The following TBC1D5 variants were observed in gnomAD, a reference collection of about 807,000 sequenced individuals.
The protein encoded by TBC1D5 is TBC1 domain family, member 5.
In TBC1D5, 75 loss-of-function variants were observed where a neutral mutation model predicts 100.3. The observed-to-expected ratio is 0.75, with a 90% CI of 0.62 to 0.91. The LOEUF (loss-of-function observed/expected upper bound fraction) is 0.91. Among genes scored for constraint, TBC1D5 ranks in the 40% least tolerant of loss-of-function variants. The probability of loss-of-function intolerance (pLI) is 0.00; values close to 1 mark genes in which losing one functional copy is unlikely to be tolerated. For synonymous variants in TBC1D5, 323 were observed against 325.6 expected (o/e 0.99, Z 0.09); for missense variants, 910 against 942.4 (o/e 0.97, Z 0.45).
rs886478451 is a variant in TBC1D5 at position 17,166,259 on chromosome 3, C to T, written c.2094+508G>A. ...TTGCCTGCAAATCCTGAAATACTTA[C>T]GCTGTAGCCCTCTATGGACCCCTGC... is the stretch of plus-strand genomic sequence containing the variant. On this transcript the variant is annotated intron_variant, in intron 21 of 21. Transcript: ENST00000253692. Among the ~76,000 whole-genome samples, 8 of 152,102 alleles carry T rather than the reference C, an allele frequency of 5.3e-5. No individual in the cohort carries two copies. In the East Asian group the frequency reaches 1.2e-3, roughly 22 times the overall value.
intron 1 of TBC1D5, among the ~76,000 whole-genome samples, chr3:17,694,192 C>T (rs535858350): frequency 1.3e-5 from 2 of 152,288 alleles, no homozygotes; most frequent in South Asian, 2.1e-4. Context: ...TCTTCTCCTC[C>T]AAAACATTGC....
intron 2 of TBC1D5, among the ~76,000 whole-genome samples, chr3:17,549,115 T>C (rs1292981159): frequency 1.3e-5 from 2 of 152,046 alleles, no homozygotes; most frequent in Non-Finnish European, 2.9e-5. Context: ...CTGACCAACA[T>C]GGTGAAGACC....
At chr3:17,310,230 C>T (rs2083867166) in intron 13 of TBC1D5, among the ~76,000 whole-genome samples, 1 of 152,100 alleles carries the variant, frequency 6.6e-6, no homozygotes, top group African/African-American at 2.4e-5. Flanking sequence ...TTCACTGCAG[C>T]AGTCAGGAAG....
intron 16 of TBC1D5, among the ~76,000 whole-genome samples, chr3:17,240,402 A>G (rs1308308248): frequency 6.6e-6 from 1 of 152,198 alleles, no homozygotes; most frequent in Non-Finnish European, 1.5e-5. Flanking sequence ...TCCAAAAATT[A>G]TTAAAAATAA....
intron 19 of TBC1D5, among the ~76,000 whole-genome samples, chr3:17,171,666 T>A (rs1042844324): frequency 6.6e-6 from 1 of 152,092 alleles, no homozygotes; most frequent in African/African-American, 2.4e-5. Context: ...TAGATTAGGG[T>A]AAGCCCTAAT....
intron 1 of TBC1D5, among the ~76,000 whole-genome samples, chr3:17,638,920 G>A (rs2064229304): frequency 6.6e-6 from 1 of 152,122 alleles, no homozygotes; most frequent in Admixed American, 6.6e-5. Flanking sequence ...TAATGGGAGT[G>A]TGTAACAGTA....
At position 17,690,378 on chromosome 3, in the gene TBC1D5, G is replaced by A. The variant is rs529776603; in HGVS notation, c.-101+48965C>T. ...ACTACAGGCGCCCGCCACTACGCCC[G>A]GCTAATTTTTTGTATTTTTAGTAGA... On this transcript the variant is annotated intron_variant, in intron 1 of 21. Coordinates refer to ENST00000253692, the Ensembl canonical transcript of TBC1D5. Among the ~76,000 whole-genome samples, 9 of 84,048 alleles carry A rather than the reference G, an allele frequency of 1.1e-4. 2 individuals carry two copies. Among genetic ancestry groups the A allele is most frequent in the Admixed American group, 4.2e-4 (3 of 7,070 alleles). 55.1% of individuals were successfully genotyped at this position (84,048 alleles called of 152,430 possible). A position where few individuals can be genotyped will look rare whatever the true frequency, so the allele number is the denominator to read the frequency against.
intron 2 of TBC1D5, among the ~76,000 whole-genome samples, chr3:17,541,149 C>T (rs2096351859): frequency 6.6e-6 from 1 of 150,748 alleles, no homozygotes. Context: ...TATTTGAGGT[C>T]CCTTCAGTTT....
intron 18 of TBC1D5, among the ~76,000 whole-genome samples, chr3:17,191,967 G>A (rs149100911): frequency 1.8e-4 from 27 of 151,934 alleles, no homozygotes; most frequent in African/African-American, 6.0e-4. Context: ...ATTTAAGAAC[G>A]ACATATCACA....
intron 3 of TBC1D5, among the ~76,000 whole-genome samples, chr3:17,493,192 A>C (rs1032933465): frequency 6.6e-6 from 1 of 151,982 alleles, no homozygotes; most frequent in African/African-American, 2.4e-5. Flanking sequence ...TTGCTTATGA[A>C]GCTCAGTTTG....
chr3:17,372,257 GA>G lies in TBC1D5; in HGVS notation c.823-11del, dbSNP rs767984998. 92 of 1,594,168 alleles carry G rather than the reference GA, an allele frequency of 5.8e-5. No individual in the cohort carries two copies. Among genetic ancestry groups the G allele is most frequent in the Non-Finnish European group, 7.3e-5 (85 of 1,170,914 alleles). ...TCAGTGTTTCTTTCCCCTAAAAACA[GA>G]AAAATTGAACATGTATTATTTAAAT... On this transcript the variant is annotated splice_polypyrimidine_tract_variant and intron_variant, in intron 12 of 21. Coordinates refer to ENST00000253692, the Ensembl canonical transcript of TBC1D5.
chr3:17,269,400 T>C (rs932483278), intron 15 of TBC1D5, among the ~76,000 whole-genome samples: 1 of 152,190 alleles, frequency 6.6e-6, no homozygotes, highest in Non-Finnish European at 1.5e-5. Context: ...GTCTGTTCCC[T>C]AAGTAGAGCT....
At chr3:17,608,398 A>G (rs755622257) in intron 2 of TBC1D5, among the ~76,000 whole-genome samples, 10 of 152,218 alleles carry the variant, frequency 6.6e-5, no homozygotes, top group South Asian at 2.1e-4. Context: ...AAAAATTGCC[A>G]TATTTTCTGA....
intron 3 of TBC1D5, among the ~76,000 whole-genome samples, chr3:17,437,357 C>T (rs530612857): frequency 6.6e-6 from 1 of 152,192 alleles, no homozygotes; most frequent in African/African-American, 2.4e-5. Flanking sequence ...GTATGATTGT[C>T]ATTTTTCCAG....
intron 3 of TBC1D5, among the ~76,000 whole-genome samples, chr3:17,460,434 A>G (rs758388825): frequency 2.6e-5 from 4 of 152,196 alleles, no homozygotes; most frequent in Non-Finnish European, 5.9e-5. Context: ...AATGGTTATT[A>G]CGAATATTTA....
intron 1 of TBC1D5, among the ~76,000 whole-genome samples, chr3:17,664,617 G>A (rs1217966789): frequency 6.6e-6 from 1 of 152,106 alleles, no homozygotes; most frequent in Non-Finnish European, 1.5e-5. Context: ...AGACGAAGAG[G>A]ACAATTTGCA....
chr3:17,680,962 C>T (rs955447605), intron 1 of TBC1D5, among the ~76,000 whole-genome samples: 1 of 151,446 alleles, frequency 6.6e-6, no homozygotes, highest in Non-Finnish European at 1.5e-5. Context: ...ACCTTGATTG[C>T]TCTACTAAAA....
intron 9 of TBC1D5, among the ~76,000 whole-genome samples, chr3:17,377,613 G>A (rs1280859821): frequency 6.6e-6 from 1 of 151,926 alleles, no homozygotes; most frequent in African/African-American, 2.4e-5. Flanking sequence ...AAGCAGAGAG[G>A]AGATAAATAT....
intron 1 of TBC1D5, among the ~76,000 whole-genome samples, chr3:17,649,132 G>C (rs1183448757): frequency 6.6e-6 from 1 of 152,154 alleles, no homozygotes; most frequent in African/African-American, 2.4e-5. Flanking sequence ...ATACACAATG[G>C]AATACTATGC....
Sources: gnomAD v4.1 joint callset for allele counts (sites outside exome capture counted in the v4.1 genomes callset) on GRCh38, gnomAD v4.1.1 for gene constraint, MANE v1.5 for transcripts, NCBI Gene and HGNC (gene_info 2026-07-23, HGNC 2026-07-21) for gene names.